PCBD2: variants seen among roughly 807,000 people sequenced by gnomAD.
The protein encoded by PCBD2 is pterin-4 alpha-carbinolamine dehydratase 2.
PCBD2 carries 12 observed loss-of-function variants against 16.4 expected under a neutral mutation model. The observed-to-expected ratio is 0.73, with a 90% CI of 0.47 to 1.19. The LOEUF (loss-of-function observed/expected upper bound fraction) is 1.19, where lower values mean the gene tolerates loss of function less well. PCBD2 is among the 50% of genes most tolerant of loss of function. The pLI is 0.00. For synonymous variants in PCBD2, 58 were observed against 61.8 expected (o/e 0.94, Z 0.29); for missense variants, 138 against 156.8 (o/e 0.88, Z 0.64).
In PCBD2 at chr5:134,924,856, C is replaced by A. The variant is rs531135396; in HGVS notation, c.216+14390C>A. ...AAGAAGGCCTAGATAAGGGACTGTG[C>A]GGTGTATGATACTAGGGTAAAATCC... On this transcript the variant is annotated intron_variant, in intron 2 of 3. Transcript: ENST00000254908. The A allele has an allele frequency of 1.8e-5, 7 of 390,050 alleles. No individual in the cohort carries two copies. In the East Asian group the frequency reaches 1.8e-4, roughly 10 times the overall value. The allele number at this position is 390,050 out of a possible 1,614,324, so 24.2% of individuals were successfully genotyped here. A position where few individuals can be genotyped will look rare whatever the true frequency, so the allele number is the denominator to read the frequency against.
chr5:134,958,418 C>G (rs1751437955), intron 2 of PCBD2, among the ~76,000 whole-genome samples: 1 of 152,156 alleles, frequency 6.6e-6, no homozygotes. Flanking sequence ...GGTGGGTGCA[C>G]TGTCACCTTG....
intron 2 of PCBD2, among the ~76,000 whole-genome samples, chr5:134,956,077 T>C (rs1409393633): frequency 3.3e-5 from 5 of 152,248 alleles, no homozygotes; most frequent in Non-Finnish European, 7.3e-5. Context: ...GATTGGTTGG[T>C]TCTGTTATAT....
In PCBD2 at chr5:134,962,205, C is replaced by T. The variant is rs768575440; in HGVS notation, c.*1524C>T. Among the ~76,000 whole-genome samples, 1 of 152,060 alleles carries T rather than the reference C, an allele frequency of 6.6e-6. No individual in the cohort carries two copies. The highest frequency in any genetic ancestry group is 2.4e-5 in the African/African-American group (1 of 41,398). ...TTCTCAGGCTCAAGTGATCCTCTCACCTCAGCCTCCTGAGTAGCAGCGGTT... is the reference window on the plus strand; with the variant it reads ...TTCTCAGGCTCAAGTGATCCTCTCATCTCAGCCTCCTGAGTAGCAGCGGTT... On this transcript the variant is annotated 3_prime_UTR_variant, in exon 4 of 4. Coordinates refer to ENST00000254908, the MANE Select transcript of PCBD2 (RefSeq NM_032151.5).
chr5:134,919,959 A>G (rs1157076664), intron 2 of PCBD2, among the ~76,000 whole-genome samples: 2 of 152,148 alleles, frequency 1.3e-5, no homozygotes, highest in East Asian at 3.8e-4. Flanking sequence ...TGCCTGATGG[A>G]GCAGCTGTAG....
chr5:134,907,978 G>A (rs1271485388), intron 1 of PCBD2, among the ~76,000 whole-genome samples: 1 of 150,430 alleles, frequency 6.6e-6, no homozygotes, highest in Non-Finnish European at 1.5e-5. Flanking sequence ...CTGGAATGCA[G>A]TGGTGATCAT....
rs369905775 is a variant in PCBD2, at chr5:134,911,575, T to G, written c.216+1109T>G. ...AACTCTCTATTGTACCCAACACAGT[T>G]CTGGGTACAAACAGGCATTTGATAA... On this transcript the variant is annotated intron_variant, in intron 2 of 3. Coordinates refer to ENST00000254908, the MANE Select transcript of PCBD2 (RefSeq NM_032151.5). 1.1e-4 allele frequency among the ~76,000 whole-genome samples: 17 copies of G among 152,340 alleles called. No individual in the cohort carries two copies. In the East Asian group the frequency reaches 2.9e-3, roughly 26 times the overall value.
intron 2 of PCBD2, among the ~76,000 whole-genome samples, chr5:134,936,946 C>G (rs1323711360): frequency 1.3e-5 from 2 of 152,148 alleles, no homozygotes; most frequent in Non-Finnish European, 2.9e-5. Flanking sequence ...GCCCTATTAC[C>G]TTAGGTATAG....
chr5:134,941,284 T>G (rs1194091433), intron 2 of PCBD2, among the ~76,000 whole-genome samples: 1 of 152,216 alleles, frequency 6.6e-6, no homozygotes, highest in Non-Finnish European at 1.5e-5. Flanking sequence ...TGTCATTGTT[T>G]TGGCACACTA....
rs774331990 is a variant in PCBD2, at chr5:134,924,732, G to A, written c.216+14266G>A. On this transcript the variant is annotated intron_variant, in intron 2 of 3. Coordinates refer to ENST00000254908, the MANE Select transcript of PCBD2 (RefSeq NM_032151.5). ...TGATTATGCCTTTTTGGGTTGAGGTGATGATGGAGGCGGAGATTTGGTGTT... is the reference window on the plus strand; with the variant it reads ...TGATTATGCCTTTTTGGGTTGAGGTAATGATGGAGGCGGAGATTTGGTGTT... 3.4e-4 allele frequency: 135 copies of A among 395,464 alleles called. 2 individuals are homozygous for A. The highest frequency in any genetic ancestry group is 4.0e-5 in the Non-Finnish European group (9 of 224,010). The allele number at this position is 395,464 out of a possible 1,614,324, so 24.5% of individuals were successfully genotyped here.
At chr5:134,915,589 A>G (rs1750822918) in intron 2 of PCBD2, among the ~76,000 whole-genome samples, 1 of 151,572 alleles carries the variant, frequency 6.6e-6, no homozygotes, top group African/African-American at 2.4e-5. Flanking sequence ...CTGGTACTAC[A>G]GGTGTGTGCC....
chr5:134,923,774 G>A (rs1750940002), intron 2 of PCBD2: 1 of 393,206 alleles, frequency 2.5e-6, no homozygotes, highest in Admixed American at 4.5e-5. Flanking sequence ...GGAAGAGGCA[G>A]ATGAAGAATA....
At chr5:134,933,114 T>A (rs1478789413) in intron 2 of PCBD2, among the ~76,000 whole-genome samples, 1 of 152,182 alleles carries the variant, frequency 6.6e-6, no homozygotes, top group Non-Finnish European at 1.5e-5. Context: ...GAATGTGCAT[T>A]TGTGTGAATG....
chr5:134,923,412 G>A (rs1446547606), intron 2 of PCBD2: 27 of 208,108 alleles, frequency 1.3e-4, no homozygotes, highest in Non-Finnish European at 8.6e-5. Flanking sequence ...GTCGGAATGG[G>A]AGGTGATTCC....
At chr5:134,958,198 T>C (rs1751435970) in intron 2 of PCBD2, among the ~76,000 whole-genome samples, 1 of 152,176 alleles carries the variant, frequency 6.6e-6, no homozygotes. Flanking sequence ...AGAGACAGAC[T>C]CTCCTATTGT....
chr5:134,957,023 G>A (rs1419638938), intron 2 of PCBD2, among the ~76,000 whole-genome samples: 1 of 152,186 alleles, frequency 6.6e-6, no homozygotes, highest in Non-Finnish European at 1.5e-5. Flanking sequence ...CCAGCACTTT[G>A]GGAGGCTGAG....
At chr5:134,959,431 T>G (rs1362011989) in intron 3 of PCBD2, among the ~76,000 whole-genome samples, 3 of 152,208 alleles carry the variant, frequency 2.0e-5, no homozygotes, top group Admixed American at 6.5e-5. Context: ...AGGTAAATTA[T>G]TGAAAGAAAT....
At chr5:134,958,925 C>A in intron 2 of PCBD2, 115 bp from the exon 3 acceptor site, 1 of 729,338 alleles carries the variant, frequency 1.4e-6, no homozygotes, top group Non-Finnish European at 2.3e-6. Flanking sequence ...TTGATTTCCA[C>A]AGGCTTCCCT....
At chr5:134,907,735 T>G (rs1419443208) in intron 1 of PCBD2, among the ~76,000 whole-genome samples, 2 of 146,100 alleles carry the variant, frequency 1.4e-5, no homozygotes, top group African/African-American at 2.5e-5. Flanking sequence ...TGATTCTCCT[T>G]CCTCAGCCTC....
chr5:134,948,542 G>A (rs958925450), intron 2 of PCBD2, among the ~76,000 whole-genome samples: 1 of 152,106 alleles, frequency 6.6e-6, no homozygotes, highest in African/African-American at 2.4e-5. Flanking sequence ...GAATTCAGTA[G>A]AAATTTACTG....
Sources: gnomAD v4.1 joint callset for allele counts (sites outside exome capture counted in the v4.1 genomes callset) on GRCh38, gnomAD v4.1.1 for gene constraint, MANE v1.5 for transcripts, NCBI Gene and HGNC (gene_info 2026-07-23, HGNC 2026-07-21) for gene names.